The following ASIC2 variants were observed in gnomAD, a reference collection of about 807,000 sequenced individuals.
ASIC2 encodes the protein acid-sensing ion channel 2.
ASIC2 carries 25 observed loss-of-function variants against 57.3 expected under a neutral mutation model. The ratio of observed to expected loss-of-function variants is 0.44; its 90% CI spans 0.32 to 0.61. The LOEUF (loss-of-function observed/expected upper bound fraction) is 0.61. Ranked by LOEUF, ASIC2 falls within the 20% of genes least tolerant of loss-of-function variation. The pLI is 0.06. For synonymous variants in ASIC2, 319 were observed against 307.5 expected (o/e 1.04, Z -0.39); for missense variants, 641 against 738.1 (o/e 0.87, Z 1.52).
chr17:33,768,847 G>A (rs1025909400), intron 1 of ASIC2, among the ~76,000 whole-genome samples: 1 of 152,140 alleles, frequency 6.6e-6, no homozygotes, highest in African/African-American at 2.4e-5. Context: ...GGGAGGAGAT[G>A]GCATGACTTT....
At chr17:33,921,773 G>A (rs995979067) in intron 1 of ASIC2, among the ~76,000 whole-genome samples, 18 of 152,166 alleles carry the variant, frequency 1.2e-4, no homozygotes, top group African/African-American at 4.1e-4. Flanking sequence ...CTGATGACCT[G>A]GCATACATCT....
chr17:34,042,870 T>G (rs1908190182), intron 1 of ASIC2, among the ~76,000 whole-genome samples: 1 of 152,220 alleles, frequency 6.6e-6, no homozygotes, highest in Non-Finnish European at 1.5e-5. Context: ...CATAATAGCC[T>G]CGAACTAGAA....
intron 1 of ASIC2, among the ~76,000 whole-genome samples, chr17:33,204,718 T>C (rs1212092103): frequency 6.6e-6 from 1 of 152,248 alleles, no homozygotes; most frequent in Non-Finnish European, 1.5e-5. Context: ...CACATGTGTG[T>C]GTGCATGTGT....
chr17:33,121,278 A>G (rs551647372), intron 1 of ASIC2, among the ~76,000 whole-genome samples: 1 of 152,320 alleles, frequency 6.6e-6, no homozygotes, highest in South Asian at 2.1e-4. Context: ...CACCTCTTGT[A>G]TTCCAGGAAC....
intron 1 of ASIC2, chr17:33,529,678 A>G (rs1914991010): frequency 1.3e-5 from 2 of 152,242 alleles, no homozygotes; most frequent in South Asian, 4.1e-4. Context: ...AGTTATCAAG[A>G]GAAGAAGACA....
In ASIC2 at chr17:33,108,020, G is replaced by A. The variant is rs549433812; in HGVS notation, c.859+3897C>T. ...TTTGACCATCTTCCCACCTGCTGGT[G>A]GGCATGATCACCCTCTCATTGCTTA... On this transcript the variant is annotated intron_variant, in intron 2 of 9. Transcript: ENST00000225823. Among the ~76,000 whole-genome samples the A allele has an allele frequency of 2.6e-5, 4 of 152,258 alleles. No individual in the cohort carries two copies. The South Asian group carries it at 8.3e-4, about 32-fold the overall frequency.
At chr17:33,929,372 C>T (rs1286240233) in intron 1 of ASIC2, among the ~76,000 whole-genome samples, 1 of 152,220 alleles carries the variant, frequency 6.6e-6, no homozygotes, top group Non-Finnish European at 1.5e-5. Flanking sequence ...CTTTCCTTAG[C>T]TCCTGCGGAG....
chr17:33,034,221 C>T (rs1331206224), intron 3 of ASIC2, among the ~76,000 whole-genome samples: 1 of 152,176 alleles, frequency 6.6e-6, no homozygotes, highest in African/African-American at 2.4e-5. Flanking sequence ...TTGTCTGCAT[C>T]CTTCATTCTT....
At chr17:33,304,433 T>C (rs1009008024) in intron 1 of ASIC2, among the ~76,000 whole-genome samples, 2 of 152,198 alleles carry the variant, frequency 1.3e-5, no homozygotes, top group Admixed American at 6.5e-5. Flanking sequence ...ATTAGAAGAC[T>C]TTTCTGTCTC....
intron 1 of ASIC2, among the ~76,000 whole-genome samples, chr17:33,253,990 T>G (rs1908972136): frequency 6.6e-6 from 1 of 152,202 alleles, no homozygotes; most frequent in Non-Finnish European, 1.5e-5. Context: ...TTTTGTTTTG[T>G]GAACTACAGG....
chr17:34,108,439 T>C (rs150241344), intron 1 of ASIC2, among the ~76,000 whole-genome samples: 1 of 152,194 alleles, frequency 6.6e-6, no homozygotes, highest in Non-Finnish European at 1.5e-5. Context: ...AATTTCAAAA[T>C]ATTTACTTTT....
At chr17:34,104,317 T>C (rs1431559702) in intron 1 of ASIC2, among the ~76,000 whole-genome samples, 3 of 152,186 alleles carry the variant, frequency 2.0e-5, no homozygotes, top group African/African-American at 7.2e-5. Context: ...GTTAAGTTTA[T>C]GTAAATCGTT....
intron 1 of ASIC2, among the ~76,000 whole-genome samples, chr17:33,298,537 G>A (rs2142191562): frequency 6.6e-6 from 1 of 152,248 alleles, no homozygotes; most frequent in South Asian, 2.1e-4. Flanking sequence ...TTGCTCTTGT[G>A]AATAGTGCCG....
In ASIC2 at chr17:33,643,169, T is replaced by A. The variant is rs530132714; in HGVS notation, c.555+512809A>T. Among the ~76,000 whole-genome samples the A allele has an allele frequency of 1.0e-3, 152 of 147,888 alleles. 1 individual carries two copies. Among genetic ancestry groups the A allele is most frequent in the African/African-American group, 3.7e-3 (150 of 41,054 alleles). On this transcript the variant is annotated intron_variant, in intron 1 of 9. Transcript: ENST00000359872. ...ATTTCCCCCCCCCCACATTTGAACA[T>A]CTCTGAAATTTGGATATGTTTTACA... is the stretch of plus-strand genomic sequence containing the variant.
intron 1 of ASIC2, among the ~76,000 whole-genome samples, chr17:33,141,714 C>T (rs1339443230): frequency 6.6e-6 from 1 of 152,194 alleles, no homozygotes; most frequent in Non-Finnish European, 1.5e-5. Flanking sequence ...ACATGGGCTT[C>T]AACTCTTGTC....
chr17:33,984,470 G>A (rs917081014), intron 1 of ASIC2: 12 of 152,182 alleles, frequency 7.9e-5, no homozygotes, highest in African/African-American at 2.9e-4. Flanking sequence ...GCAATTTTTA[G>A]GTCTCCTAGT....
chr17:33,608,333 C>T (rs1326842259), intron 1 of ASIC2, among the ~76,000 whole-genome samples: 1 of 152,076 alleles, frequency 6.6e-6, no homozygotes, highest in African/African-American at 2.4e-5. Context: ...TGGGTTTGAT[C>T]CCAGTCTGCT....
At chr17:34,000,546 C>T (rs907973036) in intron 1 of ASIC2, among the ~76,000 whole-genome samples, 14 of 152,180 alleles carry the variant, frequency 9.2e-5, no homozygotes, top group African/African-American at 2.9e-4. Flanking sequence ...AGCCACCACA[C>T]CCAGCCAAAG....
rs1233365551 is a variant in ASIC2 at position 33,507,914 on chromosome 17, T to C, written c.556-395847A>G. ...AGCTAGACCCTGTTTCAAAACAAAA[T>C]ATATATATGACATTTTTAGTTGGGA... is the stretch of plus-strand genomic sequence containing the variant. On this transcript the variant is annotated intron_variant, in intron 1 of 9. Transcript: ENST00000359872. Among the ~76,000 whole-genome samples the C allele has an allele frequency of 2.6e-5, 4 of 152,110 alleles. No homozygotes were observed. The East Asian group carries it at 5.8e-4, about 22-fold the overall frequency.
Sources: allele counts gnomAD v4.1 joint callset (sites outside exome capture counted in the v4.1 genomes callset), GRCh38; gene constraint gnomAD v4.1.1; transcripts MANE v1.5; gene names NCBI Gene and HGNC (gene_info 2026-07-23, HGNC 2026-07-21).